The following MACROD2 variants were observed in gnomAD, a reference collection of about 807,000 sequenced individuals.
MACROD2 encodes mono-ADP ribosylhydrolase 2.
Under a neutral mutation model 70.4 loss-of-function variants are expected in MACROD2, and 36 were observed. That is an observed-to-expected ratio of 0.51 (90% CI 0.39 to 0.68). The LOEUF is 0.68. MACROD2 is among the 30% of genes least tolerant of loss of function. The pLI, the probability that MACROD2 is intolerant of heterozygous loss-of-function variation, is 0.00. For missense variants in MACROD2, 496 were observed against 538.4 expected (o/e 0.92, Z 0.78); for synonymous variants, 172 against 178.8 (o/e 0.96, Z 0.30).
At chr20:14,370,709 G>A (rs2083314568) in intron 3 of MACROD2, among the ~76,000 whole-genome samples, 1 of 152,136 alleles carries the variant, frequency 6.6e-6, no homozygotes, top group Non-Finnish European at 1.5e-5. Flanking sequence ...ATCCATTGGT[G>A]TCACTACTTC....
chr20:14,227,138 G>A (rs951238892), intron 3 of MACROD2, among the ~76,000 whole-genome samples: 1 of 152,160 alleles, frequency 6.6e-6, no homozygotes, highest in East Asian at 1.9e-4. Context: ...AGCTACTCTG[G>A]TGGGGCCTTG....
intron 5 of MACROD2, among the ~76,000 whole-genome samples, chr20:15,136,895 A>T (rs6079674): frequency 7.2e-6 from 1 of 138,426 alleles, no homozygotes; most frequent in Non-Finnish European, 1.6e-5. Context: ...AAAAGTGGGC[A>T]AAGAATATGA....
intron 8 of MACROD2, among the ~76,000 whole-genome samples, chr20:15,601,861 T>C (rs568647832): frequency 6.6e-6 from 1 of 152,000 alleles, no homozygotes; most frequent in Non-Finnish European, 1.5e-5. Context: ...ACCCTGTCTC[T>C]ACTAAAAATA....
intron 8 of MACROD2, among the ~76,000 whole-genome samples, chr20:15,802,124 T>TA (rs1221681333): frequency 6.6e-6 from 1 of 152,154 alleles, no homozygotes; most frequent in Admixed American, 6.5e-5. Flanking sequence ...AGTCTGTATA[T>TA]AAGATCATAT....
At chr20:15,066,921 G>A (rs1441753305) in intron 5 of MACROD2, among the ~76,000 whole-genome samples, 3 of 150,808 alleles carry the variant, frequency 2.0e-5, no homozygotes, top group Admixed American at 6.6e-5. Context: ...CGAACTACAG[G>A]CTCTTATTTA....
chr20:14,730,694 T>C (rs564154271), intron 5 of MACROD2, among the ~76,000 whole-genome samples: 1 of 152,070 alleles, frequency 6.6e-6, no homozygotes, highest in Non-Finnish European at 1.5e-5. Context: ...GAAAAGAAAT[T>C]CATACATATA....
intron 7 of MACROD2, among the ~76,000 whole-genome samples, chr20:15,466,613 A>G (rs1231856981): frequency 6.6e-6 from 1 of 152,206 alleles, no homozygotes; most frequent in Non-Finnish European, 1.5e-5. Flanking sequence ...ATTTTTCTAT[A>G]TCATAACAAT....
chr20:14,614,392 C>T (rs1055555919), intron 4 of MACROD2, among the ~76,000 whole-genome samples: 6 of 152,064 alleles, frequency 3.9e-5, no homozygotes, highest in Admixed American at 6.6e-5. Context: ...GCTCACCTCA[C>T]CCATTAAATC....
chr20:14,675,885 G>C (rs2070854666), intron 4 of MACROD2, among the ~76,000 whole-genome samples: 1 of 151,926 alleles, frequency 6.6e-6, no homozygotes, highest in Non-Finnish European at 1.5e-5. Context: ...CCAAAAAAAA[G>C]CAAGGGTTGC....
chr20:15,566,471 C>T (rs2048312257), intron 8 of MACROD2, among the ~76,000 whole-genome samples: 2 of 151,900 alleles, frequency 1.3e-5, no homozygotes, highest in African/African-American at 4.8e-5. Context: ...GCACTCCAAC[C>T]TGGGCAACAG....
Position 15,967,650 on chromosome 20 carries a change from AT to A in MACROD2, c.985+22del. On this transcript the variant is annotated intron_variant, in intron 13 of 17. Transcript: ENST00000684519. ...CCGATGGTAGGTTGTGAAATCCTTT[AT>A]TAGATTTTCTTTTCTTCTGCTGGGA... 1 of 1,201,796 alleles carries A rather than the reference AT, an allele frequency of 8.3e-7. No individual in the cohort carries two copies. The highest frequency in any genetic ancestry group is 1.2e-6 in the Non-Finnish European group (1 of 854,624). The allele number at this position is 1,201,796 out of a possible 1,614,324, so 74.4% of individuals were successfully genotyped here.
At chr20:14,967,987 A>G (rs2074654185) in intron 5 of MACROD2, among the ~76,000 whole-genome samples, 1 of 152,168 alleles carries the variant, frequency 6.6e-6, no homozygotes, top group Admixed American at 6.5e-5. Flanking sequence ...GGTATAGGAC[A>G]GTTATTAATA....
At chr20:14,114,439 A>G (rs1320600155) in intron 3 of MACROD2, among the ~76,000 whole-genome samples, 1 of 152,170 alleles carries the variant, frequency 6.6e-6, no homozygotes, top group African/African-American at 2.4e-5. Context: ...AAAGAATACA[A>G]TAAAAGATGA....
chr20:15,005,024 A>G (rs770766610), intron 5 of MACROD2, among the ~76,000 whole-genome samples: 3 of 152,216 alleles, frequency 2.0e-5, no homozygotes, highest in South Asian at 2.1e-4. Context: ...GTGGAACAAC[A>G]ATGTATTCAT....
intron 5 of MACROD2, among the ~76,000 whole-genome samples, chr20:15,169,346 A>C (rs989080041): frequency 6.6e-6 from 1 of 152,206 alleles, no homozygotes; most frequent in Non-Finnish European, 1.5e-5. Flanking sequence ...TGAGCTACTC[A>C]AGTGAAAGGA....
At chr20:14,081,928 A>G (rs1189530260) in intron 2 of MACROD2, among the ~76,000 whole-genome samples, 3 of 152,320 alleles carry the variant, frequency 2.0e-5, no homozygotes, top group South Asian at 4.1e-4. Flanking sequence ...ATGAGAGACA[A>G]TGAAAATATT....
intron 15 of MACROD2, among the ~76,000 whole-genome samples, chr20:16,003,067 A>AACCC (rs761630895): frequency 1.5e-5 from 2 of 137,210 alleles, no homozygotes; most frequent in South Asian, 2.5e-4. Context: ...CAAAATAGAA[A>AACCC]ACCCACCCAC....
intron 6 of MACROD2, among the ~76,000 whole-genome samples, chr20:15,244,603 G>T (rs527314724): frequency 4.8e-4 from 73 of 152,270 alleles, no homozygotes; most frequent in African/African-American, 1.7e-3. Context: ...TACTGCAAGT[G>T]TATCATTCCA....
chr20:15,972,954 T>C (rs941540364), intron 13 of MACROD2, among the ~76,000 whole-genome samples: 1 of 152,126 alleles, frequency 6.6e-6, no homozygotes, highest in Non-Finnish European at 1.5e-5. Flanking sequence ...TATAATCTCA[T>C]ATATCAAGTT....
Sources: allele counts gnomAD v4.1 joint callset (sites outside exome capture counted in the v4.1 genomes callset), GRCh38; gene constraint gnomAD v4.1.1; transcripts MANE v1.5; gene names NCBI Gene and HGNC (gene_info 2026-07-23, HGNC 2026-07-21).